The following SMYD4 variants were observed in gnomAD, a reference collection of about 807,000 sequenced individuals.
SMYD4 encodes SET and MYND domain containing 4, also known as protein-lysine N-methyltransferase SMYD4.
In SMYD4, 68 loss-of-function variants were observed where a neutral mutation model predicts 72.8. The ratio of observed to expected loss-of-function variants is 0.93; its 90% CI spans 0.77 to 1.14. The LOEUF (loss-of-function observed/expected upper bound fraction) is 1.14. Among genes scored for constraint, SMYD4 ranks in the 50% most tolerant of loss-of-function variants. The probability of loss-of-function intolerance (pLI) is 0.00; values close to 1 mark genes in which losing one functional copy is unlikely to be tolerated. For missense variants in SMYD4, 984 were observed against 1,003.7 expected, an observed-to-expected ratio of 0.98 and a Z score of 0.27; for synonymous variants, 407 against 388.6, an observed-to-expected ratio of 1.05 and a Z score of -0.56.
chr17:1,806,416 T>C (rs1193765919), intron 3 of SMYD4, among the ~76,000 whole-genome samples: 1 of 152,160 alleles, frequency 6.6e-6, no homozygotes, highest in Non-Finnish European at 1.5e-5. Flanking sequence ...ATTTATACTA[T>C]AGGCAAAGAG....
At chr17:1,810,290 T>C (rs187591124) in intron 3 of SMYD4, among the ~76,000 whole-genome samples, 1 of 152,194 alleles carries the variant, frequency 6.6e-6, no homozygotes, top group African/African-American at 2.4e-5. Flanking sequence ...AAATTACTTT[T>C]TTTTTTTTGA....
intron 2 of SMYD4, among the ~76,000 whole-genome samples, chr17:1,817,491 G>A (rs967219100): frequency 8.0e-5 from 12 of 150,760 alleles, no homozygotes; most frequent in South Asian, 2.1e-4. Context: ...CCAGGCATGC[G>A]CCACCATGCC....
chr17:1,785,038 C>T (rs1908582553), intron 7 of SMYD4, among the ~76,000 whole-genome samples: 1 of 149,916 alleles, frequency 6.7e-6, no homozygotes, highest in Non-Finnish European at 1.5e-5. Flanking sequence ...CCGCTCGCCT[C>T]AGCCTCCCAA....
chr17:1,804,306 G>A (rs1206037265), intron 4 of SMYD4: 1 of 249,880 alleles, frequency 4.0e-6, no homozygotes, highest in East Asian at 9.7e-5. Context: ...GAGTAGCTGG[G>A]ACTACAGATG....
chr17:1,799,259 TC>T (rs1909575899), intron 5 of SMYD4, among the ~76,000 whole-genome samples: 1 of 144,336 alleles, frequency 6.9e-6, no homozygotes, highest in African/African-American at 2.6e-5. Context: ...AGACTCCGTC[TC>T]AAAAAAAAAA....
intron 2 of SMYD4, among the ~76,000 whole-genome samples, chr17:1,812,545 C>CTTT (rs71150818): frequency 1.1e-3 from 72 of 63,704 alleles, no homozygotes; most frequent in South Asian, 2.4e-3. Context: ...AGCAGAATTT[C>CTTT]TTTTTTTTTT....
At chr17:1,797,303 A>C (rs925103128) in intron 5 of SMYD4, among the ~76,000 whole-genome samples, 3 of 152,248 alleles carry the variant, frequency 2.0e-5, no homozygotes, top group African/African-American at 7.2e-5. Context: ...AATTAAGAAA[A>C]GTATAATGAA....
chr17:1,796,735 C>G (rs2151230439), intron 5 of SMYD4, among the ~76,000 whole-genome samples: 1 of 152,122 alleles, frequency 6.6e-6, no homozygotes, highest in South Asian at 2.1e-4. Flanking sequence ...GCGCCCAGCC[C>G]TATTAAGTAT....
chr17:1,815,579 GC>G (rs1219946413), intron 2 of SMYD4, among the ~76,000 whole-genome samples: 2 of 148,118 alleles, frequency 1.4e-5, no homozygotes, highest in Non-Finnish European at 3.0e-5. Context: ...GATCGCTTGA[GC>G]CCAGAAGGTC....
intron 7 of SMYD4, among the ~76,000 whole-genome samples, chr17:1,784,876 T>G (rs1908571109): frequency 2.0e-5 from 3 of 151,602 alleles, no homozygotes; most frequent in Admixed American, 2.0e-4. Context: ...TTCACGCCAT[T>G]CTCCTGCCTC....
Position 1,827,861 on chromosome 17 carries a change from TGAA to T in SMYD4, c.131_133del (p.Leu44del). On this transcript the variant is annotated inframe_deletion and splice_region_variant, in exon 2 of 11. Transcript: ENST00000305513. ...CCTTGTTAAAGCTTGATTTACTTAC[TGAA>T]GAAGTGAAGAGGAGTGAAGAAAGAT... 1.3e-6 allele frequency: 2 copies of T among 1,597,590 alleles called. No homozygotes were observed. The highest frequency in any genetic ancestry group is 8.6e-7 in the Non-Finnish European group (1 of 1,166,428).
At chr17:1,783,775 T>A (rs1908505132) in intron 8 of SMYD4, 4 of 446,790 alleles carry the variant, frequency 9.0e-6, no homozygotes, top group Non-Finnish European at 1.6e-5. Flanking sequence ...CTCTTGACCC[T>A]GAAATCTAAG....
chr17:1,798,402 C>T (rs1328482193), intron 5 of SMYD4, among the ~76,000 whole-genome samples: 2 of 152,096 alleles, frequency 1.3e-5, no homozygotes, highest in South Asian at 2.1e-4. Context: ...TGTGTCAGGC[C>T]TTTTGTGTAT....
Position 1,787,427 on chromosome 17 carries a change from C to T in SMYD4, c.1715G>A (p.Cys572Tyr), listed in dbSNP as rs1343676543. ...AGTGCGGAGGGATGGCTCACCATAG[C>T]AGTGGAGAATCTCTTGCCCCTTTCT... ...RIRKGQEILH[C>Y]YGPHKSRMGV... is the part of the protein sequence containing the mutation. Residue 572 changes from cysteine to tyrosine, a missense_variant, in exon 6 of 11, where the codon TGC becomes TAC. Cys to Tyr is a radical substitution (Grantham distance 194, BLOSUM62 -2). Transcript: ENST00000305513. 9 of 1,555,886 alleles carry T rather than the reference C, an allele frequency of 5.8e-6. No individual in the cohort carries two copies. Among genetic ancestry groups the T allele is most frequent in the Non-Finnish European group, 7.0e-6 (8 of 1,149,902 alleles).
chr17:1,827,068 G>A (rs559991960), intron 2 of SMYD4, among the ~76,000 whole-genome samples: 2 of 152,068 alleles, frequency 1.3e-5, no homozygotes, highest in Non-Finnish European at 2.9e-5. Flanking sequence ...CATGAGAATC[G>A]CTTGAACCCA....
intron 3 of SMYD4, among the ~76,000 whole-genome samples, chr17:1,806,452 T>C (rs1328321705): frequency 1.3e-5 from 2 of 152,236 alleles, no homozygotes; most frequent in African/African-American, 4.8e-5. Context: ...TGTCAAGATT[T>C]CCTACAGATC....
rs186068827 is a variant in SMYD4 at position 1,820,477 on chromosome 17, C to T, written c.134+7384G>A. On this transcript the variant is annotated intron_variant, in intron 2 of 10. Transcript: ENST00000305513. ...CTGGTCTCAAACTCCTGGGCTCCAG[C>T]GATCCTCTTGCCTAAGCCTCCCAAA... 4.1e-3 allele frequency among the ~76,000 whole-genome samples: 618 copies of T among 152,244 alleles called. 1 individual carries two copies. Among genetic ancestry groups the T allele is most frequent in the Non-Finnish European group, 5.5e-3 (371 of 68,024 alleles).
chr17:1,827,817 A>C (rs756776722), intron 2 of SMYD4, 44 bp downstream of exon 2: 7 of 1,574,118 alleles, frequency 4.4e-6, no homozygotes, highest in Non-Finnish European at 6.1e-6. Context: ...AAAATAGAAC[A>C]TTTTTTGGCT....
chr17:1,797,614 T>TG (rs1226094160), intron 5 of SMYD4, among the ~76,000 whole-genome samples: 1 of 152,104 alleles, frequency 6.6e-6, no homozygotes, highest in Admixed American at 6.5e-5. Flanking sequence ...TGCTGCAGTG[T>TG]GGGGTGGAAG....
Sources: gnomAD v4.1 joint callset for allele counts (sites outside exome capture counted in the v4.1 genomes callset) on GRCh38, gnomAD v4.1.1 for gene constraint, MANE v1.5 for transcripts, NCBI Gene and HGNC (gene_info 2026-07-23, HGNC 2026-07-21) for gene names.